POLR3C: variants seen among roughly 807,000 people sequenced by gnomAD.
POLR3C encodes DNA-directed RNA polymerase III subunit RPC3.
A neutral mutation model predicts 65.9 loss-of-function variants in POLR3C; 44 were observed. The observed-to-expected ratio is 0.67, with a 90% CI of 0.52 to 0.86. The LOEUF (loss-of-function observed/expected upper bound fraction) is 0.86, where lower values mean the gene tolerates loss of function less well. Among genes scored for constraint, POLR3C ranks in the 40% least tolerant of loss-of-function variants. The probability of loss-of-function intolerance (pLI) is 0.00; values close to 1 mark genes in which losing one functional copy is unlikely to be tolerated. For synonymous variants in POLR3C, 263 were observed against 231.6 expected (o/e 1.14, Z -1.23); for missense variants, 576 against 653.2 (o/e 0.88, Z 1.29).
At chr1:145,825,082 C>A (rs1214907989) in intron 1 of POLR3C, among the ~76,000 whole-genome samples, 2 of 151,866 alleles carry the variant, frequency 1.3e-5, no homozygotes, top group Non-Finnish European at 2.9e-5. Context: ...TTGCTTCTGT[C>A]ACTTAATATA....
At chr1:145,829,268 G>T (rs1651089714) in intron 5 of POLR3C, among the ~76,000 whole-genome samples, 1 of 152,026 alleles carries the variant, frequency 6.6e-6, no homozygotes, top group Admixed American at 6.6e-5. Flanking sequence ...CAAATATCTT[G>T]CTCCCTCATA....
intron 7 of POLR3C, among the ~76,000 whole-genome samples, chr1:145,833,933 T>C (rs1651561356): frequency 6.6e-6 from 1 of 152,202 alleles, no homozygotes; most frequent in Non-Finnish European, 1.5e-5. Context: ...ATATGTGTTA[T>C]TTATATTACT....
chr1:145,826,599 T>C lies in POLR3C; in HGVS notation c.293T>C (p.Leu98Pro), dbSNP rs1553725821. ...YPRYIYTTKTLYSDTGELIVE... is the reference protein window; with the variant it reads ...YPRYIYTTKTPYSDTGELIVE... ...CGGTACATCTATACTACCAAAACTCTGTACAGTGACACTGGAGAGCTGATT... is the reference window on the plus strand; with the variant it reads ...CGGTACATCTATACTACCAAAACTCCGTACAGTGACACTGGAGAGCTGATT... Residue 98 changes from leucine (L) to proline (P), a missense_variant, in exon 3 of 15, where the codon CTG becomes CCG. Physicochemically the swap from Leu to Pro is moderately conservative, Grantham distance 98. Transcript: ENST00000334163. The C allele has an allele frequency of 6.2e-7, 1 of 1,614,062 alleles. No homozygotes were observed. The highest frequency in any genetic ancestry group is 8.5e-7 in the Non-Finnish European group (1 of 1,179,904).
At chr1:145,824,541 G>A (rs1553725258) in intron 1 of POLR3C, 172 bp downstream of exon 1, 22 of 1,289,556 alleles carry the variant, frequency 1.7e-5, no homozygotes, top group Middle Eastern at 2.1e-4. Context: ...GTGGATGGAC[G>A]AAATAGGTCT....
chr1:145,841,201 T>C, intron 14 of POLR3C, 130 bp downstream of exon 14: 1 of 734,976 alleles, frequency 1.4e-6, no homozygotes, highest in Non-Finnish European at 2.3e-6. Context: ...CTTAACAGAA[T>C]TTAATCCACC....
chr1:145,828,719 A>T, intron 4 of POLR3C, 30 bp from the exon 5 acceptor site: 1 of 1,383,910 alleles, frequency 7.2e-7, no homozygotes, highest in South Asian at 1.2e-5. Context: ...TATGAGATAT[A>T]GTCTAAGTGT....
chr1:145,829,975 T>C (rs1353955385), intron 5 of POLR3C, among the ~76,000 whole-genome samples: 2 of 152,188 alleles, frequency 1.3e-5, no homozygotes, highest in East Asian at 3.8e-4. Flanking sequence ...GTCTAAGAGG[T>C]TTGGGCTTTA....
At chr1:145,831,252 T>A (rs1442202949) in intron 5 of POLR3C, among the ~76,000 whole-genome samples, 2 of 152,072 alleles carry the variant, frequency 1.3e-5, no homozygotes, top group Admixed American at 6.6e-5. Context: ...GGTGCGGTAA[T>A]GCCTGTAATC....
At chr1:145,828,718 T>G (rs1469460368) in intron 4 of POLR3C, 31 bp from the exon 5 acceptor site, 3 of 1,376,554 alleles carry the variant, frequency 2.2e-6, no homozygotes, top group Non-Finnish European at 3.1e-6. Flanking sequence ...ATATGAGATA[T>G]AGTCTAAGTG....
Position 145,826,719 on chromosome 1 carries a change from G to A in POLR3C, c.403+10G>A, listed in dbSNP as rs782150879. ...ACAGAGACCATGGAGGGTCAGTATG[G>A]TATCCATAGCTGTTAACAAAAGCAT... On this transcript the variant is annotated intron_variant, in intron 3 of 14. Coordinates refer to ENST00000334163, the MANE Select transcript of POLR3C (RefSeq NM_006468.8). 6.2e-7 allele frequency: 1 copy of A among 1,613,996 alleles called. No individual in the cohort carries two copies. Among genetic ancestry groups the A allele is most frequent in the Non-Finnish European group, 8.5e-7 (1 of 1,179,910 alleles).
intron 14 of POLR3C, among the ~76,000 whole-genome samples, chr1:145,841,654 A>AT (rs2101660029): frequency 6.6e-6 from 1 of 152,256 alleles, no homozygotes; most frequent in East Asian, 1.9e-4. Context: ...TGGTGTTGTG[A>AT]TTTTGTATCC....
intron 5 of POLR3C, among the ~76,000 whole-genome samples, chr1:145,830,009 T>A (rs1399196966): frequency 6.6e-6 from 1 of 152,188 alleles, no homozygotes; most frequent in East Asian, 1.9e-4. Context: ...GGAGAGCCAT[T>A]GATGGATTTT....
At chr1:145,834,749 A>C (rs1328482299) in intron 7 of POLR3C, among the ~76,000 whole-genome samples, 1 of 152,184 alleles carries the variant, frequency 6.6e-6, no homozygotes, top group African/African-American at 2.4e-5. Flanking sequence ...GCTCCAGTAT[A>C]ATATGGGACC....
intron 5 of POLR3C, among the ~76,000 whole-genome samples, chr1:145,829,543 AAAC>A (rs1651114599): frequency 6.6e-6 from 1 of 152,216 alleles, no homozygotes; most frequent in Non-Finnish European, 1.5e-5. Context: ...GTTCAAAACA[AAAC>A]AACACATCCA....
At chr1:145,840,018 T>C (rs782753274) in intron 12 of POLR3C, 27 bp downstream of exon 12, 2 of 1,532,238 alleles carry the variant, frequency 1.3e-6, no homozygotes, top group South Asian at 1.1e-5. Context: ...CTTCTCCCCA[T>C]TTCCTCCATA....
intron 5 of POLR3C, among the ~76,000 whole-genome samples, chr1:145,831,360 C>T (rs1553727111): frequency 6.6e-6 from 1 of 151,854 alleles, no homozygotes; most frequent in Admixed American, 6.6e-5. Flanking sequence ...ACTAAAAATA[C>T]AAAAATTAGC....
Position 145,841,168 on chromosome 1 carries a change from A to G in POLR3C, c.1523+97A>G, listed in dbSNP as rs782732763. On this transcript the variant is annotated intron_variant, in intron 14 of 14. Coordinates refer to ENST00000334163, the MANE Select transcript of POLR3C (RefSeq NM_006468.8). ...CTCCAGCTTAGCATGAGCAAACCTAAACTCACTGTCTCCTCCAGCTCACTT... is the reference window on the plus strand; with the variant it reads ...CTCCAGCTTAGCATGAGCAAACCTAGACTCACTGTCTCCTCCAGCTCACTT... 11 of 959,646 alleles carry G rather than the reference A, an allele frequency of 1.1e-5. No individual in the cohort carries two copies. In the South Asian group the frequency reaches 1.5e-4, roughly 13 times the overall value. The allele number at this position is 959,646 out of a possible 1,614,324, so 59.4% of individuals were successfully genotyped here.
At chr1:145,836,402 T>C in intron 7 of POLR3C, 92 bp from the exon 8 acceptor site, 1 of 785,904 alleles carries the variant, frequency 1.3e-6, no homozygotes, top group Non-Finnish European at 2.3e-6. Flanking sequence ...TTACAGGCCT[T>C]AGCCACTGTG....
In POLR3C at chr1:145,842,537, C is replaced by T. The variant is rs587616169; in HGVS notation, c.*117C>T. 3 of 752,066 alleles carry T rather than the reference C, an allele frequency of 4.0e-6. No individual in the cohort carries two copies. The highest frequency in any genetic ancestry group is 7.2e-6 in the Non-Finnish European group (3 of 418,456). The allele number at this position is 752,066 out of a possible 1,614,324, so 46.6% of individuals were successfully genotyped here. A position where few individuals can be genotyped will look rare whatever the true frequency, so the allele number is the denominator to read the frequency against. ...GCAGAGTCTTCAACTAAACCCCCCT[C>T]TCTATCCCCTGCAGCCCAGGATACA... On this transcript the variant is annotated 3_prime_UTR_variant, in exon 15 of 15. Transcript: ENST00000334163.
Sources: gnomAD v4.1 joint callset for allele counts (sites outside exome capture counted in the v4.1 genomes callset) on GRCh38, gnomAD v4.1.1 for gene constraint, MANE v1.5 for transcripts, NCBI Gene and HGNC (gene_info 2026-07-23, HGNC 2026-07-21) for gene names.